The following RSRC1 variants were observed in gnomAD, a reference collection of about 807,000 sequenced individuals.
The protein encoded by RSRC1 is serine/Arginine-related protein 53.
In RSRC1, 39 loss-of-function variants were observed where a neutral mutation model predicts 49.1. The ratio of observed to expected loss-of-function variants is 0.79; its 90% CI spans 0.61 to 1.04. The LOEUF (loss-of-function observed/expected upper bound fraction) is 1.04. Among genes scored for constraint, RSRC1 ranks in the 50% least tolerant of loss-of-function variants. The pLI is 0.00. For synonymous variants in RSRC1, 143 were observed against 130.8 expected, an observed-to-expected ratio of 1.09 and a Z score of -0.63; for missense variants, 388 against 402.4, an observed-to-expected ratio of 0.96 and a Z score of 0.31.
chr3:158,185,098 T>C (rs1719850147), intron 3 of RSRC1, among the ~76,000 whole-genome samples: 1 of 151,986 alleles, frequency 6.6e-6, no homozygotes, highest in African/African-American at 2.4e-5. Flanking sequence ...TTTTGCACAT[T>C]AGAAAACATG....
At chr3:158,135,624 C>T (rs1716324692) in intron 3 of RSRC1, among the ~76,000 whole-genome samples, 1 of 151,766 alleles carries the variant, frequency 6.6e-6, no homozygotes, top group African/African-American at 2.4e-5. Context: ...AGTTTTCCCT[C>T]CAATTTTTTT....
intron 5 of RSRC1, among the ~76,000 whole-genome samples, chr3:158,330,871 G>A (rs1318430916): frequency 6.4e-5 from 9 of 141,398 alleles, no homozygotes; most frequent in African/African-American, 2.1e-4. Flanking sequence ...AGACCTACCT[G>A]AGACTGGGTA....
chr3:158,345,269 AT>A (rs930206799), intron 5 of RSRC1, among the ~76,000 whole-genome samples: 10 of 152,056 alleles, frequency 6.6e-5, no homozygotes, highest in African/African-American at 2.4e-4. Flanking sequence ...AGAAAAGTAA[AT>A]TGCAATGTGG....
chr3:158,334,485 ATTTT>A (rs11287218), intron 5 of RSRC1, among the ~76,000 whole-genome samples: 1 of 146,194 alleles, frequency 6.8e-6, no homozygotes, highest in African/African-American at 2.5e-5. Flanking sequence ...TAACAGGAGA[ATTTT>A]TTTTTTTTTT....
intron 5 of RSRC1, among the ~76,000 whole-genome samples, chr3:158,329,287 C>T (rs985741914): frequency 5.9e-5 from 9 of 152,218 alleles, no homozygotes; most frequent in Admixed American, 2.0e-4. Context: ...CGAGGAGCTA[C>T]GTTCCTTTGG....
At chr3:158,198,249 C>T (rs1293712919) in intron 3 of RSRC1, among the ~76,000 whole-genome samples, 1 of 152,096 alleles carries the variant, frequency 6.6e-6, no homozygotes, top group Admixed American at 6.6e-5. Flanking sequence ...TATGTAATGG[C>T]CTTCTTGGTC....
chr3:158,340,746 C>G (rs1037506243), intron 5 of RSRC1, among the ~76,000 whole-genome samples: 1 of 152,004 alleles, frequency 6.6e-6, no homozygotes, highest in Middle Eastern at 3.2e-3. Context: ...TGAAAAGATA[C>G]CTGAAAATGT....
intron 4 of RSRC1, among the ~76,000 whole-genome samples, chr3:158,287,491 A>T (rs1054671530): frequency 6.6e-6 from 1 of 152,166 alleles, no homozygotes; most frequent in African/African-American, 2.4e-5. Context: ...AATGATTTTT[A>T]AATCTAATGA....
intron 3 of RSRC1, among the ~76,000 whole-genome samples, chr3:158,135,343 C>T (rs1444226674): frequency 6.6e-6 from 1 of 151,184 alleles, no homozygotes; most frequent in African/African-American, 2.4e-5. Flanking sequence ...AACCTCGGCT[C>T]ACTACAACCT....
chr3:158,381,375 T>C (rs1268387519), intron 6 of RSRC1, among the ~76,000 whole-genome samples: 1 of 152,226 alleles, frequency 6.6e-6, no homozygotes, highest in Non-Finnish European at 1.5e-5. Context: ...ATTATTTCCA[T>C]ATGAGCAGTC....
At chr3:158,470,133 A>AGGTCC (rs1421567638) in intron 7 of RSRC1, among the ~76,000 whole-genome samples, 2 of 152,082 alleles carry the variant, frequency 1.3e-5, no homozygotes, top group Admixed American at 6.6e-5. Flanking sequence ...TAATGAAGCC[A>AGGTCC]GGTGTGTAGT....
chr3:158,330,392 G>A (rs530028800), intron 5 of RSRC1, among the ~76,000 whole-genome samples: 2 of 152,162 alleles, frequency 1.3e-5, no homozygotes, highest in Admixed American at 6.5e-5. Context: ...ATTTTTGTAC[G>A]TATCTTAAAT....
chr3:158,397,681 G>C (rs1733686040), intron 6 of RSRC1, among the ~76,000 whole-genome samples: 1 of 152,026 alleles, frequency 6.6e-6, no homozygotes, highest in South Asian at 2.1e-4. Flanking sequence ...TTACTAATAT[G>C]ACCCAGTCAC....
chr3:158,510,730 A>G (rs560897026), intron 7 of RSRC1, among the ~76,000 whole-genome samples: 1 of 152,190 alleles, frequency 6.6e-6, no homozygotes, highest in Non-Finnish European at 1.5e-5. Flanking sequence ...TTGTGCTATC[A>G]GATAGTAGGT....
At chr3:158,360,348 C>T (rs553393420) in intron 6 of RSRC1, among the ~76,000 whole-genome samples, 2 of 152,264 alleles carry the variant, frequency 1.3e-5, no homozygotes, top group Admixed American at 1.3e-4. Context: ...CATGGGCAGG[C>T]CCAGAAAAGG....
intron 7 of RSRC1, among the ~76,000 whole-genome samples, chr3:158,514,946 C>A (rs918652084): frequency 6.6e-6 from 1 of 151,796 alleles, no homozygotes; most frequent in Admixed American, 6.6e-5. Flanking sequence ...CAACCCCTAC[C>A]TTTTTTTGTT....
intron 3 of RSRC1, among the ~76,000 whole-genome samples, chr3:158,180,245 T>C (rs1430795443): frequency 6.6e-6 from 1 of 152,038 alleles, no homozygotes; most frequent in East Asian, 1.9e-4. Flanking sequence ...CCTTTTATGG[T>C]ATCAGATCTA....
rs564701524 is a variant in RSRC1 at position 158,215,779 on chromosome 3, A to T, written c.494+12534A>T. 3.3e-5 allele frequency among the ~76,000 whole-genome samples: 5 copies of T among 151,868 alleles called. No homozygotes were observed. In the South Asian group the frequency reaches 1.0e-3, roughly 32 times the overall value. On this transcript the variant is annotated intron_variant, in intron 4 of 9. Transcript: ENST00000611884. ...GAAATGTAACTAGCCTTTAATCCTT[A>T]ATTCTGAAAACCTCATGAGGCAAAG...
chr3:158,361,341 A>G (rs1731458784), intron 6 of RSRC1, among the ~76,000 whole-genome samples: 1 of 152,138 alleles, frequency 6.6e-6, no homozygotes, highest in Admixed American at 6.5e-5. Flanking sequence ...CCTTCCCTGC[A>G]GTAGCAGTGG....
Sources: gnomAD v4.1 joint callset for allele counts (sites outside exome capture counted in the v4.1 genomes callset) on GRCh38, gnomAD v4.1.1 for gene constraint, MANE v1.5 for transcripts, NCBI Gene and HGNC (gene_info 2026-07-23, HGNC 2026-07-21) for gene names.